Variants in TEX11 observed in about 807,000 individuals in gnomAD.
The protein encoded by TEX11 is testis-expressed protein 11.
A neutral mutation model predicts 84.4 loss-of-function variants in TEX11; 7 were observed. That is an observed-to-expected ratio of 0.08 (90% confidence interval 0.05 to 0.16). TEX11 has a LOEUF of 0.16. Ranked by LOEUF, TEX11 falls within the 10% of genes least tolerant of loss-of-function variation. TEX11 has a pLI of 1.00. For synonymous variants in TEX11, 264 were observed against 222.8 expected (o/e 1.18, Z -1.64); for missense variants, 551 against 660.5 (o/e 0.83, Z 1.82).
chrX:70,517,129 A>G, the TEX11 span, among the ~76,000 whole-genome samples: 1 of 111,271 alleles, frequency 9.0e-6, no homozygotes, highest in East Asian at 2.8e-4. Context: ...CTCTTCCCTG[A>G]TTGCCCTGGC....
At chrX:70,651,778 T>C (rs1354269207) in intron 16 of TEX11, among the ~76,000 whole-genome samples, 1 of 111,716 alleles carries the variant, frequency 9.0e-6, no homozygotes, top group Non-Finnish European at 1.9e-5. Flanking sequence ...ACCCTCCTGC[T>C]GAAAACAACC....
chrX:70,836,808 G>A (rs2091407934), intron 7 of TEX11, among the ~76,000 whole-genome samples: 1 of 111,916 alleles, frequency 8.9e-6, no homozygotes, highest in South Asian at 3.7e-4. Context: ...CCTGAGGTCA[G>A]CAGTTTGAGA....
In TEX11 at chrX:70,744,186, T is replaced by C; in HGVS notation, c.726A>G (p.Lys242=). 1 of 1,048,573 alleles carries C rather than the reference T, an allele frequency of 9.5e-7. No homozygotes were observed. Among genetic ancestry groups the C allele is most frequent in the Non-Finnish European group, 1.2e-6 (1 of 808,972 alleles). 86.4% of individuals were successfully genotyped at this position (1,048,573 alleles called of 1,213,427 possible). ...QSYDIGKMDK[K]STGPEMLAKV... is the part of the protein sequence containing the mutation. Reference sequence around the variant, plus strand: ...TTACCAGCATTTCTGGCCCAGTAGATTTCTTATCCATCTTCCCAATATCAT... The same window carrying C: ...TTACCAGCATTTCTGGCCCAGTAGACTTCTTATCCATCTTCCCAATATCAT... Residue 242 remains lysine (K), a synonymous_variant, in exon 10 of 30, where the codon AAA becomes AAG. Coordinates refer to ENST00000374333, the MANE Select transcript of TEX11 (RefSeq NM_031276.3).
intron 11 of TEX11, among the ~76,000 whole-genome samples, chrX:70,733,346 A>G (rs1435108760): frequency 3.6e-5 from 4 of 111,505 alleles, no homozygotes; most frequent in African/African-American, 9.8e-5. Context: ...AAAAGAAACT[A>G]TCATGAGGGT....
intron 13 of TEX11, among the ~76,000 whole-genome samples, chrX:70,711,096 T>C: frequency 9.0e-6 from 1 of 111,038 alleles, no homozygotes; most frequent in East Asian, 2.8e-4. Context: ...GCTTCATCCA[T>C]GTCCCTACAA....
intron 17 of TEX11, among the ~76,000 whole-genome samples, chrX:70,649,371 C>T (rs749782552): frequency 4.5e-4 from 51 of 112,105 alleles, no homozygotes; most frequent in Non-Finnish European, 7.9e-4. Context: ...ACAGCCTCAC[C>T]AGCATCTGTT....
intron 11 of TEX11, among the ~76,000 whole-genome samples, chrX:70,733,577 G>T (rs1248585104): frequency 2.7e-5 from 3 of 111,846 alleles, no homozygotes; most frequent in Non-Finnish European, 5.6e-5. Flanking sequence ...TTGGCCATCA[G>T]AGAAATGCAA....
chrX:70,571,065 C>A (rs1021666353), intron 25 of TEX11, among the ~76,000 whole-genome samples: 1 of 111,586 alleles, frequency 9.0e-6, no homozygotes, highest in South Asian at 3.8e-4. Context: ...GTCGCCCAGG[C>A]TGGATTGTAG....
chrX:70,713,144 C>T (rs1372278704), intron 13 of TEX11, among the ~76,000 whole-genome samples: 1 of 111,787 alleles, frequency 8.9e-6, no homozygotes, highest in Admixed American at 9.5e-5. Context: ...ATGAAGCCCA[C>T]TTGATCATGG....
chrX:70,794,022 A>G (rs1228427018), intron 9 of TEX11, among the ~76,000 whole-genome samples: 2 of 112,059 alleles, frequency 1.8e-5, no homozygotes, highest in Non-Finnish European at 3.8e-5. Flanking sequence ...CTATCTGCAC[A>G]AAAAAAGCAA....
chrX:70,515,661 GTATTTC>G, the TEX11 span, among the ~76,000 whole-genome samples: 1 of 112,149 alleles, frequency 8.9e-6, no homozygotes, highest in South Asian at 3.7e-4. Flanking sequence ...GGTTCAAATG[GTATTTC>G]TAGTTCTAGA....
intron 9 of TEX11, among the ~76,000 whole-genome samples, chrX:70,803,150 A>G (rs12851776): frequency 8.9e-6 from 1 of 112,126 alleles, no homozygotes; most frequent in Non-Finnish European, 1.9e-5. Flanking sequence ...AAACAAACAA[A>G]CAAAAAAACT....
intron 13 of TEX11, among the ~76,000 whole-genome samples, chrX:70,716,614 G>T (rs2090505400): frequency 8.9e-6 from 1 of 112,754 alleles, no homozygotes; most frequent in Non-Finnish European, 1.9e-5. Context: ...ATCTCCTGGT[G>T]TGCCATTTGC....
chrX:70,799,446 C>A (rs1432807211), intron 9 of TEX11, among the ~76,000 whole-genome samples: 4 of 111,871 alleles, frequency 3.6e-5, no homozygotes, highest in Non-Finnish European at 7.5e-5. Flanking sequence ...GCTTTTCAGG[C>A]ATTTTCCTGC....
intron 10 of TEX11, among the ~76,000 whole-genome samples, chrX:70,743,322 C>T: frequency 8.9e-6 from 1 of 112,097 alleles, no homozygotes; most frequent in Admixed American, 9.5e-5. Flanking sequence ...TTTTATGCTT[C>T]TCTTTTATTC....
At chrX:70,882,957 G>A (rs2091690899) in intron 2 of TEX11, among the ~76,000 whole-genome samples, 1 of 111,547 alleles carries the variant, frequency 9.0e-6, no homozygotes, top group South Asian at 3.8e-4. Flanking sequence ...CATATTTTCA[G>A]TGTTATTCAG....
chrX:70,678,751 T>C, intron 15 of TEX11, 53 bp downstream of exon 15: 1 of 1,020,361 alleles, frequency 9.8e-7, no homozygotes, highest in Non-Finnish European at 1.4e-6. Context: ...GTGAATGCAC[T>C]ATTTTTTGTT....
intron 17 of TEX11, among the ~76,000 whole-genome samples, chrX:70,645,206 G>C (rs529100742): frequency 3.6e-5 from 4 of 109,660 alleles, no homozygotes; most frequent in Non-Finnish European, 5.7e-5. Context: ...CCTACCAAAC[G>C]TTTAAAGAAC....
chrX:70,533,391 A>G (rs1190036811), intron 28 of TEX11, among the ~76,000 whole-genome samples: 1 of 112,143 alleles, frequency 8.9e-6, no homozygotes, highest in Non-Finnish European at 1.9e-5. Context: ...TATGGATTGG[A>G]ACTCAGGTAA....
Sources: allele counts gnomAD v4.1 joint callset (sites outside exome capture counted in the v4.1 genomes callset), GRCh38; gene constraint gnomAD v4.1.1; transcripts MANE v1.5; gene names NCBI Gene and HGNC (gene_info 2026-07-23, HGNC 2026-07-21).